The following PTPRG variants were observed in gnomAD, a reference collection of about 807,000 sequenced individuals.
PTPRG encodes protein tyrosine phosphatase receptor type G, also known as receptor-type tyrosine-protein phosphatase gamma.
Under a neutral mutation model 165.3 loss-of-function variants are expected in PTPRG, and 102 were observed. That is an observed-to-expected ratio of 0.62 (90% confidence interval 0.53 to 0.73). The LOEUF is 0.73. Ranked by LOEUF, PTPRG falls within the 30% of genes least tolerant of loss-of-function variation. The pLI, the probability that PTPRG is intolerant of heterozygous loss-of-function variation, is 0.00. For missense variants in PTPRG, 1,866 were observed against 1,861.4 expected (o/e 1.00, Z -0.05); for synonymous variants, 675 against 669.5 (o/e 1.01, Z -0.13).
chr3:61,596,210 C>T (rs1376452373), intron 1 of PTPRG, among the ~76,000 whole-genome samples: 5 of 152,096 alleles, frequency 3.3e-5, no homozygotes, highest in East Asian at 1.9e-4. Flanking sequence ...CGTTGTCACC[C>T]CCTCATTCCT....
At chr3:62,154,160 T>C (rs1371722391) in intron 6 of PTPRG, among the ~76,000 whole-genome samples, 1 of 152,120 alleles carries the variant, frequency 6.6e-6, no homozygotes, top group Non-Finnish European at 1.5e-5. Context: ...TTTGAGTTGC[T>C]GGGGTCTTGA....
chr3:61,937,744 G>A (rs995991335), intron 2 of PTPRG, among the ~76,000 whole-genome samples: 1 of 152,148 alleles, frequency 6.6e-6, no homozygotes, highest in Non-Finnish European at 1.5e-5. Context: ...GGCAAAAGGA[G>A]AACATTGTGC....
intron 5 of PTPRG, among the ~76,000 whole-genome samples, chr3:62,130,270 A>C (rs941015601): frequency 5.3e-5 from 8 of 152,324 alleles, no homozygotes; most frequent in Admixed American, 3.3e-4. Context: ...TCATCCTTTA[A>C]TAGGCTAACT....
intron 6 of PTPRG, among the ~76,000 whole-genome samples, chr3:62,139,398 C>T (rs542174726): frequency 7.2e-5 from 11 of 152,112 alleles, no homozygotes; most frequent in African/African-American, 2.7e-4. Flanking sequence ...GGCGAAGTTT[C>T]CAGGGAACTG....
intron 2 of PTPRG, among the ~76,000 whole-genome samples, chr3:61,754,585 A>G (rs1183175806): frequency 6.6e-6 from 1 of 152,154 alleles, no homozygotes; most frequent in Non-Finnish European, 1.5e-5. Flanking sequence ...CAAGTGGACA[A>G]GTGGATACAC....
In PTPRG at chr3:62,243,738, G is replaced by A. The variant is rs1309817121; in HGVS notation, c.2376-69G>A. On this transcript the variant is annotated intron_variant, in intron 14 of 29. Coordinates refer to ENST00000474889, the MANE Select transcript of PTPRG (RefSeq NM_002841.4). ...AAAGCTGGGAAGATCTATAAAATAA[G>A]AATTAAAAGAAGATGAACTCAAATA... The A allele has an allele frequency of 9.2e-6, 9 of 978,860 alleles. 1 individual carries two copies. In the East Asian group the frequency reaches 2.3e-4, roughly 25 times the overall value. 60.6% of individuals were successfully genotyped at this position (978,860 alleles called of 1,614,324 possible).
intron 1 of PTPRG, among the ~76,000 whole-genome samples, chr3:61,608,012 T>G (rs1434524579): frequency 6.6e-6 from 1 of 151,886 alleles, no homozygotes; most frequent in East Asian, 1.9e-4. Context: ...CAATTTTTAT[T>G]TTTTTTTAAT....
intron 2 of PTPRG, among the ~76,000 whole-genome samples, chr3:61,892,062 T>A (rs942706337): frequency 1.3e-5 from 2 of 152,340 alleles, no homozygotes; most frequent in Admixed American, 1.3e-4. Flanking sequence ...TGAAGAAAGA[T>A]TTTTCATTCA....
At chr3:62,125,273 A>T (rs1703245925) in intron 5 of PTPRG, among the ~76,000 whole-genome samples, 1 of 152,244 alleles carries the variant, frequency 6.6e-6, no homozygotes, top group African/African-American at 2.4e-5. Flanking sequence ...AAGAAGGATC[A>T]ACCTGGCAAC....
intron 1 of PTPRG, among the ~76,000 whole-genome samples, chr3:61,631,478 A>G (rs940611748): frequency 6.6e-6 from 1 of 152,202 alleles, no homozygotes; most frequent in African/African-American, 2.4e-5. Context: ...TACTGTGCCT[A>G]ATTTATAAAT....
At chr3:61,987,117 A>C (rs541790227) in intron 2 of PTPRG, among the ~76,000 whole-genome samples, 2 of 152,334 alleles carry the variant, frequency 1.3e-5, no homozygotes, top group East Asian at 3.9e-4. Flanking sequence ...CAATATCTGC[A>C]AGCTTGGAAA....
chr3:61,680,523 A>C (rs1392221611), intron 1 of PTPRG, among the ~76,000 whole-genome samples: 2 of 150,702 alleles, frequency 1.3e-5, no homozygotes, highest in African/African-American at 4.9e-5. Flanking sequence ...AAAAAACACA[A>C]AAAAACAGCA....
intron 4 of PTPRG, among the ~76,000 whole-genome samples, chr3:62,068,373 A>T (rs9863323): frequency 2.6e-5 from 4 of 151,872 alleles, no homozygotes; most frequent in Non-Finnish European, 5.9e-5. Context: ...TCCGTCAAGC[A>T]GGTAAGTTCA....
intron 2 of PTPRG, among the ~76,000 whole-genome samples, chr3:61,867,014 G>A (rs1025892324): frequency 1.3e-5 from 2 of 152,130 alleles, no homozygotes; most frequent in East Asian, 3.9e-4. Flanking sequence ...TCTTGTTGGC[G>A]GGGTAGAACA....
intron 2 of PTPRG, among the ~76,000 whole-genome samples, chr3:61,860,937 G>A (rs1257547373): frequency 1.3e-5 from 2 of 152,036 alleles, no homozygotes; most frequent in Admixed American, 1.3e-4. Context: ...CACAGGCAGG[G>A]TTGCCACAGC....
At chr3:62,101,939 A>T (rs4688286) in intron 5 of PTPRG, among the ~76,000 whole-genome samples, 13,839 of 152,232 alleles carry the variant, frequency 0.091, 753 homozygotes, top group South Asian at 0.13. Flanking sequence ...ATCTCTCCTG[A>T]TGTAAGCCAA....
At chr3:61,928,401 C>T (rs41378846) in intron 2 of PTPRG, among the ~76,000 whole-genome samples, 3,728 of 152,246 alleles carry the variant, frequency 0.024, 138 homozygotes, top group African/African-American at 0.083. Context: ...CCAAACCAGA[C>T]TTATTTTGCC....
chr3:62,018,368 T>A (rs1260104091), intron 4 of PTPRG, among the ~76,000 whole-genome samples: 2 of 152,220 alleles, frequency 1.3e-5, no homozygotes, highest in African/African-American at 4.8e-5. Context: ...TTAATGTGGA[T>A]ATGATGCCTC....
chr3:61,676,824 A>G (rs924209759), intron 1 of PTPRG, among the ~76,000 whole-genome samples: 1 of 152,172 alleles, frequency 6.6e-6, no homozygotes, highest in African/African-American at 2.4e-5. Context: ...AACTGTTGGA[A>G]TGTGGACCAC....
Sources: allele counts gnomAD v4.1 joint callset (sites outside exome capture counted in the v4.1 genomes callset), GRCh38; gene constraint gnomAD v4.1.1; transcripts MANE v1.5; gene names NCBI Gene and HGNC (gene_info 2026-07-23, HGNC 2026-07-21).